Variants in PALM2AKAP2 observed in about 807,000 individuals in gnomAD.
PALM2AKAP2 encodes PALM2 and AKAP2 fusion, also known as PALM2-AKAP2 fusion protein.
Under a neutral mutation model 71.5 loss-of-function variants are expected in PALM2AKAP2, and 37 were observed. The observed-to-expected ratio is 0.52, with a 90% CI of 0.40 to 0.68. PALM2AKAP2 has a LOEUF of 0.68. PALM2AKAP2 is among the 30% of genes least tolerant of loss of function. PALM2AKAP2 has a pLI of 0.00. For missense variants in PALM2AKAP2, 1,224 were observed against 1,191.8 expected (o/e 1.03, Z -0.40); for synonymous variants, 468 against 478.8 (o/e 0.98, Z 0.29).
intron 6 of PALM2AKAP2, among the ~76,000 whole-genome samples, chr9:109,950,990 A>T (rs1831625581): frequency 6.6e-6 from 1 of 152,260 alleles, no homozygotes; most frequent in Admixed American, 6.5e-5. Context: ...TTCTGTATGT[A>T]GCTCCAACTC....
intron 2 of PALM2AKAP2, among the ~76,000 whole-genome samples, chr9:109,874,868 C>G (rs896167447): frequency 3.3e-5 from 5 of 152,200 alleles, no homozygotes; most frequent in African/African-American, 1.2e-4. Context: ...CACACTGATT[C>G]TACCTCCAGA....
chr9:109,653,745 T>G (rs1377268696), intron 1 of PALM2AKAP2, among the ~76,000 whole-genome samples: 1 of 152,206 alleles, frequency 6.6e-6, no homozygotes, highest in African/African-American at 2.4e-5. Flanking sequence ...AGTAGCAACA[T>G]TCTCAGTGCA....
At position 109,932,044 on chromosome 9, in the gene PALM2AKAP2, CT is replaced by C; in HGVS notation, c.496+19del. ...AGAGCGGCTGGTAAGTCCTGGGGAC[CT>C]TTGGACGCTAGGATGGTCCAAGGGG... On this transcript the variant is annotated intron_variant, in intron 6 of 9. Coordinates refer to the PALM2AKAP2 transcript ENST00000302798. 1 of 1,607,266 alleles carries C rather than the reference CT, an allele frequency of 6.2e-7. No homozygotes were observed. The highest frequency in any genetic ancestry group is 1.1e-5 in the South Asian group (1 of 90,274).
intron 1 of PALM2AKAP2, among the ~76,000 whole-genome samples, chr9:109,767,365 G>A (rs1288147515): frequency 6.6e-6 from 1 of 152,176 alleles, no homozygotes; most frequent in Non-Finnish European, 1.5e-5. Context: ...TTTTGCCATT[G>A]GAGATGATGC....
At chr9:109,867,460 C>G in intron 1 of PALM2AKAP2, 31 bp from the exon 2 acceptor site, 1 of 1,608,334 alleles carries the variant, frequency 6.2e-7, no homozygotes, top group Non-Finnish European at 8.5e-7. Flanking sequence ...CACCCACCCA[C>G]TCTTACAGCC....
intron 1 of PALM2AKAP2, among the ~76,000 whole-genome samples, chr9:110,108,428 A>G (rs879448510): frequency 2.2e-4 from 33 of 152,214 alleles, no homozygotes; most frequent in Non-Finnish European, 2.2e-4. Context: ...TTGTTTTTCT[A>G]GTACGCTGAT....
chr9:110,116,899 A>G (rs1032225682), intron 1 of PALM2AKAP2, among the ~76,000 whole-genome samples: 5 of 152,158 alleles, frequency 3.3e-5, no homozygotes, highest in Non-Finnish European at 5.9e-5. Context: ...TCTATGAAAG[A>G]CCTCACTTTT....
intron 1 of PALM2AKAP2, among the ~76,000 whole-genome samples, chr9:109,743,054 C>G (rs1337676933): frequency 6.6e-6 from 1 of 152,134 alleles, no homozygotes; most frequent in Non-Finnish European, 1.5e-5. Context: ...GCTGAGTCCC[C>G]CTCCCATTTT....
intron 1 of PALM2AKAP2, among the ~76,000 whole-genome samples, chr9:109,793,008 A>G (rs996293759): frequency 6.6e-6 from 1 of 152,018 alleles, no homozygotes; most frequent in Non-Finnish European, 1.5e-5. Context: ...GGGTGAAAAT[A>G]CTCTTTGAAA....
chr9:109,965,108 C>T (rs374602763), intron 6 of PALM2AKAP2, among the ~76,000 whole-genome samples: 1 of 152,170 alleles, frequency 6.6e-6, no homozygotes, highest in African/African-American at 2.4e-5. Flanking sequence ...CTCAGGAAAA[C>T]AGTATTTATA....
chr9:110,015,049 G>A (rs911822122), intron 6 of PALM2AKAP2, among the ~76,000 whole-genome samples: 39 of 151,758 alleles, frequency 2.6e-4, no homozygotes, highest in African/African-American at 8.2e-4. Flanking sequence ...CTTGCCGGAT[G>A]TCCACTCTTG....
chr9:109,930,004 G>A (rs1487029201), intron 5 of PALM2AKAP2, among the ~76,000 whole-genome samples: 1 of 151,906 alleles, frequency 6.6e-6, no homozygotes, highest in South Asian at 2.1e-4. Flanking sequence ...GTCCCTGCAG[G>A]CTGCTTTCCA....
chr9:109,699,315 T>A, intron 1 of PALM2AKAP2, among the ~76,000 whole-genome samples: 1 of 152,240 alleles, frequency 6.6e-6, no homozygotes, highest in East Asian at 1.9e-4. Flanking sequence ...GCCTGTCTGG[T>A]GGACAATCAG....
At chr9:109,711,375 A>C (rs1349588684) in intron 1 of PALM2AKAP2, among the ~76,000 whole-genome samples, 1 of 152,264 alleles carries the variant, frequency 6.6e-6, no homozygotes, top group Non-Finnish European at 1.5e-5. Flanking sequence ...AACCCTCATG[A>C]ATCATGGATG....
rs1215906658 is a variant in PALM2AKAP2 at position 110,014,828 on chromosome 9, A to G, written c.497-1126A>G. ...AATGTATATATATATATATATATAT[A>G]TATATATATATATATATATATATAC... is the stretch of plus-strand genomic sequence containing the variant. On this transcript the variant is annotated intron_variant, in intron 6 of 9. Transcript: ENST00000302798. Among the ~76,000 whole-genome samples, 22 of 127,274 alleles carry G rather than the reference A, an allele frequency of 1.7e-4. 3 individuals carry two copies. Among genetic ancestry groups the G allele is most frequent in the East Asian group, 6.6e-4 (3 of 4,542 alleles). The allele number at this position is 127,274 out of a possible 152,430, so 83.5% of individuals were successfully genotyped here. A position where few individuals can be genotyped will look rare whatever the true frequency, so the allele number is the denominator to read the frequency against.
intron 2 of PALM2AKAP2, chr9:110,148,397 A>C (rs563364119): frequency 6.6e-5 from 10 of 152,262 alleles, no homozygotes; most frequent in African/African-American, 2.4e-4. Flanking sequence ...TTCTGAGCTA[A>C]GTTTATAATC....
chr9:109,693,725 G>A (rs1484486068), intron 1 of PALM2AKAP2, among the ~76,000 whole-genome samples: 1 of 151,890 alleles, frequency 6.6e-6, no homozygotes, highest in African/African-American at 2.4e-5. Context: ...GAAATATGTT[G>A]TTTAATTTTT....
chr9:110,116,535 A>G (rs1193538806), intron 1 of PALM2AKAP2, among the ~76,000 whole-genome samples: 1 of 152,158 alleles, frequency 6.6e-6, no homozygotes, highest in Non-Finnish European at 1.5e-5. Context: ...CCGGCCTCCT[A>G]TTTTTTGTTC....
intron 7 of PALM2AKAP2, among the ~76,000 whole-genome samples, chr9:110,031,350 G>A (rs187679279): frequency 1.8e-4 from 28 of 152,056 alleles, no homozygotes; most frequent in African/African-American, 6.5e-4. Context: ...GGCTGGTCTC[G>A]AACTCCTGAC....
Sources: allele counts gnomAD v4.1 joint callset (sites outside exome capture counted in the v4.1 genomes callset), GRCh38; gene constraint gnomAD v4.1.1; transcripts MANE v1.5; gene names NCBI Gene and HGNC (gene_info 2026-07-23, HGNC 2026-07-21).